The following FBXL2 variants were observed in gnomAD, a reference collection of about 807,000 sequenced individuals.
The protein encoded by FBXL2 is F-box/LRR-repeat protein 2.
In FBXL2, 38 loss-of-function variants were observed where a neutral mutation model predicts 69.2. That is an observed-to-expected ratio of 0.55 (90% confidence interval 0.42 to 0.72). The LOEUF (loss-of-function observed/expected upper bound fraction) is 0.72, where lower values mean the gene tolerates loss of function less well. Ranked by LOEUF, FBXL2 falls within the 30% of genes least tolerant of loss-of-function variation. The pLI, the probability that FBXL2 is intolerant of heterozygous loss-of-function variation, is 0.00. For synonymous variants in FBXL2, 192 were observed against 201.3 expected, an observed-to-expected ratio of 0.95 and a Z score of 0.39; for missense variants, 354 against 520.3, an observed-to-expected ratio of 0.68 and a Z score of 3.11.
chr3:33,385,291 C>T (rs2043350508), intron 14 of FBXL2, among the ~76,000 whole-genome samples: 1 of 152,132 alleles, frequency 6.6e-6, no homozygotes, highest in South Asian at 2.1e-4. Flanking sequence ...GGAAACGTAT[C>T]AACGTAAGTG....
chr3:33,374,854 A>G (rs2042535039), intron 9 of FBXL2, among the ~76,000 whole-genome samples: 1 of 152,302 alleles, frequency 6.6e-6, no homozygotes, highest in East Asian at 1.9e-4. Flanking sequence ...ATATGTGTAT[A>G]TTGTAAATAT....
chr3:33,400,860 G>T, intron 12 of FBXL2: 1 of 1,123,954 alleles, frequency 8.9e-7, no homozygotes, highest in African/African-American at 1.6e-5. Context: ...TACCATACAT[G>T]TAACAAAACT....
chr3:33,282,764 T>C (rs538965140), intron 1 of FBXL2, among the ~76,000 whole-genome samples: 14 of 152,310 alleles, frequency 9.2e-5, no homozygotes, highest in Middle Eastern at 3.4e-3. Flanking sequence ...TTCCTTCACA[T>C]CCCTTGTAAG....
chr3:33,339,660 A>G (rs2039866197), intron 2 of FBXL2, among the ~76,000 whole-genome samples: 1 of 152,156 alleles, frequency 6.6e-6, no homozygotes, highest in Non-Finnish European at 1.5e-5. Context: ...CACACAATTT[A>G]CCCATGTAAC....
Position 33,304,558 on chromosome 3 carries a change from C to G in FBXL2, c.65+6833C>G, listed in dbSNP as rs573237062. Among the ~76,000 whole-genome samples, 9 of 152,044 alleles carry G rather than the reference C, an allele frequency of 5.9e-5. No individual in the cohort carries two copies. In the East Asian group the frequency reaches 1.7e-3, roughly 29 times the overall value. On this transcript the variant is annotated intron_variant, in intron 2 of 14. Transcript: ENST00000484457. ...TAAAATTTTATTTTTTCCCCCTTTA[C>G]TGAGTATTTTGGTTGTTTCCAGTGT...
intron 4 of FBXL2, among the ~76,000 whole-genome samples, chr3:33,363,123 C>A (rs1276165667): frequency 2.6e-5 from 4 of 152,192 alleles, no homozygotes; most frequent in African/African-American, 9.6e-5. Context: ...TCACTACAAC[C>A]TCTGCCTCCC....
chr3:33,323,698 C>T (rs1462917309), intron 2 of FBXL2, among the ~76,000 whole-genome samples: 1 of 152,136 alleles, frequency 6.6e-6, no homozygotes, highest in Admixed American at 6.6e-5. Flanking sequence ...TTTCTTTATC[C>T]AGTCTATCAC....
At chr3:33,364,540 A>G (rs1266941851) in intron 4 of FBXL2, 85 bp from the exon 5 acceptor site, 5 of 1,159,416 alleles carry the variant, frequency 4.3e-6, no homozygotes, top group Non-Finnish European at 6.4e-6. Flanking sequence ...AAATATATTC[A>G]GTTCCTAGAT....
chr3:33,344,596 TGTG>T (rs1402827482), intron 2 of FBXL2, among the ~76,000 whole-genome samples: 1 of 151,900 alleles, frequency 6.6e-6, no homozygotes, highest in Non-Finnish European at 1.5e-5. Context: ...AAACCAAAAA[TGTG>T]GTAAGTAAAA....
intron 2 of FBXL2, among the ~76,000 whole-genome samples, chr3:33,299,113 C>T (rs1575115965): frequency 1.3e-5 from 2 of 151,584 alleles, no homozygotes; most frequent in African/African-American, 4.9e-5. Context: ...ATGATCTCGG[C>T]TCACCGCATC....
intron 1 of FBXL2, among the ~76,000 whole-genome samples, chr3:33,285,945 T>G (rs2034565481): frequency 6.6e-6 from 1 of 152,202 alleles, no homozygotes; most frequent in Non-Finnish European, 1.5e-5. Flanking sequence ...CGTCTAATCT[T>G]TCTTCAAGGT....
chr3:33,381,645 T>TA (rs199886535), intron 13 of FBXL2, among the ~76,000 whole-genome samples: 1,740 of 139,298 alleles, frequency 0.012, 11 homozygotes, highest in African/African-American at 0.028. Context: ...AAATAAAAAT[T>TA]TAAAAAAAAA....
At chr3:33,341,395 A>C (rs2040004405) in intron 2 of FBXL2, among the ~76,000 whole-genome samples, 2 of 152,216 alleles carry the variant, frequency 1.3e-5, no homozygotes, top group South Asian at 4.1e-4. Flanking sequence ...TGAAAGATTT[A>C]AAAGGACAAA....
intron 2 of FBXL2, among the ~76,000 whole-genome samples, chr3:33,323,889 T>C (rs1386255665): frequency 6.6e-6 from 1 of 152,204 alleles, no homozygotes; most frequent in African/African-American, 2.4e-5. Flanking sequence ...CACACTGTCT[T>C]CCACAATGGT....
chr3:33,348,750 A>T (rs2040628104), intron 2 of FBXL2, among the ~76,000 whole-genome samples: 1 of 152,000 alleles, frequency 6.6e-6, no homozygotes, highest in Non-Finnish European at 1.5e-5. Flanking sequence ...TGGAATATCA[A>T]TATCTTTCTG....
chr3:33,384,943 G>A (rs1348196827), intron 14 of FBXL2, among the ~76,000 whole-genome samples: 1 of 152,078 alleles, frequency 6.6e-6, no homozygotes, highest in East Asian at 1.9e-4. Context: ...CAGGAGAATC[G>A]CTTGAACCCG....
chr3:33,309,990 T>G (rs1264742168), intron 2 of FBXL2, among the ~76,000 whole-genome samples: 1 of 152,066 alleles, frequency 6.6e-6, no homozygotes, highest in Non-Finnish European at 1.5e-5. Context: ...ACAAGACCTT[T>G]TCTCTACAAA....
At chr3:33,354,259 A>T (rs2041033914) in intron 2 of FBXL2, among the ~76,000 whole-genome samples, 2 of 151,976 alleles carry the variant, frequency 1.3e-5, no homozygotes, top group African/African-American at 2.4e-5. Flanking sequence ...CACGCCTGTA[A>T]TCCGAGCACT....
chr3:33,384,097 ATCACTGAT>A lies in FBXL2; in HGVS notation c.1061_1068del (p.Ile354SerfsTer84), dbSNP rs747577631. 6.2e-7 allele frequency: 1 copy of A among 1,614,122 alleles called. No individual in the cohort carries two copies. Among genetic ancestry groups the A allele is most frequent in the South Asian group, 1.1e-5 (1 of 91,086 alleles). On this transcript the variant is annotated frameshift_variant, in exon 14 of 15. Transcript: ENST00000484457. LOFTEE classifies it high-confidence loss of function. ...ACTGGAGTTGGACAACTGCCTCCTC[ATCACTGAT>A]GTGGCCCTGGAACACCTAGAGAACT...
Sources: allele counts gnomAD v4.1 joint callset (sites outside exome capture counted in the v4.1 genomes callset), GRCh38; gene constraint gnomAD v4.1.1; transcripts MANE v1.5; gene names NCBI Gene and HGNC (gene_info 2026-07-23, HGNC 2026-07-21).